DNAH17: variants seen among roughly 807,000 people sequenced by gnomAD.
The protein encoded by DNAH17 is axonemal beta dynein heavy chain 17.
A neutral mutation model predicts 485.6 loss-of-function variants in DNAH17; 376 were observed. That is an observed-to-expected ratio of 0.77 (90% CI 0.71 to 0.84). The LOEUF (loss-of-function observed/expected upper bound fraction) is 0.84, where lower values mean the gene tolerates loss of function less well. Ranked by LOEUF, DNAH17 falls within the 40% of genes least tolerant of loss-of-function variation. The pLI is 0.00. For missense variants in DNAH17, 6,370 were observed against 5,839.3 expected (o/e 1.09, Z -2.96); for synonymous variants, 3,031 against 2,405.9 (o/e 1.26, Z -7.60).
chr17:78,552,684 G>A lies in DNAH17; in HGVS notation c.2287+13C>T, dbSNP rs2091929960. On this transcript the variant is annotated intron_variant, in intron 15 of 80. Coordinates refer to ENST00000389840, the MANE Select transcript of DNAH17 (RefSeq NM_173628.4). ...AAGTTTAATCCAATGTGGGAGGAAT[G>A]TGGCCTCCGTACCTTCGCCATTCCA... The A allele has an allele frequency of 6.3e-7, 1 of 1,599,050 alleles. No individual in the cohort carries two copies. The highest frequency in any genetic ancestry group is 8.6e-7 in the Non-Finnish European group (1 of 1,166,280).
intron 35 of DNAH17, 148 bp downstream of exon 35, chr17:78,501,036 G>T: frequency 1.1e-6 from 1 of 923,568 alleles, no homozygotes; most frequent in Non-Finnish European, 1.6e-6. Context: ...GGACACAGTG[G>T]TAGAACTGAA....
chr17:78,492,760 G>C lies in DNAH17; in HGVS notation c.6414C>G (p.Leu2138=), dbSNP rs2146678287. 3.7e-6 allele frequency: 6 copies of C among 1,611,108 alleles called. No homozygotes were observed. The South Asian group carries it at 5.5e-5, about 15-fold the overall frequency. Residue 2138 remains leucine, a synonymous_variant, in exon 42 of 81, where the codon CTC becomes CTG. Coordinates refer to ENST00000389840, the MANE Select transcript of DNAH17 (RefSeq NM_173628.4). ...GNAGSGKSQV[L]KSLNKTYQNL... ...TCTGATAGGTCTTGTTGAGGGATTT[G>C]AGGACCTGGCGAAGGTGGGGGTCAC... is the stretch of plus-strand genomic sequence containing the variant.
At chr17:78,469,473 G>C (rs2088645779) in intron 54 of DNAH17, among the ~76,000 whole-genome samples, 1 of 152,186 alleles carries the variant, frequency 6.6e-6, no homozygotes, top group South Asian at 2.1e-4. Context: ...ACACAGGCCA[G>C]GTGCGGTGGC....
At chr17:78,575,467 T>C (rs1445183078) in intron 1 of DNAH17, among the ~76,000 whole-genome samples, 4 of 151,986 alleles carry the variant, frequency 2.6e-5, no homozygotes, top group African/African-American at 9.7e-5. Flanking sequence ...GGGGGTCAGG[T>C]TGAAAGGTCC....
intron 60 of DNAH17, 35 bp downstream of exon 60, chr17:78,459,747 AGG>A: frequency 6.2e-7 from 1 of 1,609,500 alleles, no homozygotes; most frequent in Non-Finnish European, 8.5e-7. Flanking sequence ...GGAGAATCGG[AGG>A]GAAGCCCCGG....
chr17:78,494,243 G>A (rs575065244), intron 40 of DNAH17, 70 bp from the exon 41 acceptor site: 4 of 1,559,390 alleles, frequency 2.6e-6, no homozygotes, highest in Non-Finnish European at 3.5e-6. Context: ...GGGAGGCTGG[G>A]GGGCTTCCTG....
chr17:78,500,513 GCTTTT>G, intron 35 of DNAH17, 52 bp from the exon 36 acceptor site: 1 of 1,491,210 alleles, frequency 6.7e-7, no homozygotes, highest in East Asian at 2.4e-5. Context: ...TGGCCTCCCT[GCTTTT>G]ATTTTTTTGA....
chr17:78,502,957 C>T lies in DNAH17; in HGVS notation c.5011G>A (p.Glu1671Lys), dbSNP rs200535968. 270 of 1,613,958 alleles carry T rather than the reference C, an allele frequency of 1.7e-4. 1 individual carries two copies. The highest frequency in any genetic ancestry group is 1.3e-3 in the Middle Eastern group (8 of 6,062). ...TAGGTCACCACGGCCTCTGGGATTT[C>T]GTGCCGGAGGGTAGAGCACATTCGG... ...LDRMCSTLRH[E>K]IPEAVVTYEE... Residue 1671 changes from glutamate to lysine, a missense_variant, in exon 32 of 81, where the codon GAA (glutamate) becomes AAA (lysine). Coordinates refer to ENST00000389840, the MANE Select transcript of DNAH17 (RefSeq NM_173628.4).
intron 73 of DNAH17, 104 bp from the exon 74 acceptor site, chr17:78,437,972 G>A: frequency 2.5e-6 from 2 of 816,030 alleles, no homozygotes; most frequent in East Asian, 2.7e-5. Context: ...GGGCTCTTCT[G>A]CCAGCACCCC....
intron 22 of DNAH17, among the ~76,000 whole-genome samples, chr17:78,527,878 A>C (rs2091120489): frequency 6.6e-6 from 1 of 152,120 alleles, no homozygotes; most frequent in African/African-American, 2.4e-5. Flanking sequence ...TTCTGGGTTC[A>C]AGTGATTCTC....
intron 54 of DNAH17, among the ~76,000 whole-genome samples, chr17:78,473,435 T>C (rs1166427767): frequency 2.0e-5 from 3 of 150,234 alleles, no homozygotes; most frequent in Non-Finnish European, 4.4e-5. Flanking sequence ...TCCCAGCTAC[T>C]CAGGAGGCTG....
intron 74 of DNAH17, 62 bp downstream of exon 74, chr17:78,437,578 CA>C: frequency 7.0e-7 from 1 of 1,427,022 alleles, no homozygotes; most frequent in Non-Finnish European, 9.5e-7. Flanking sequence ...CTCGGGGCCC[CA>C]AGGGATGGAT....
chr17:78,458,425 A>T, intron 62 of DNAH17, 140 bp downstream of exon 62: 1 of 690,560 alleles, frequency 1.4e-6, no homozygotes, highest in Non-Finnish European at 2.6e-6. Context: ...TATCCTAATT[A>T]CTTTGAGCTC....
intron 25 of DNAH17, among the ~76,000 whole-genome samples, chr17:78,519,053 A>G (rs1321018607): frequency 6.6e-6 from 1 of 151,490 alleles, no homozygotes; most frequent in Non-Finnish European, 1.5e-5. Context: ...CTGTAGTCCC[A>G]GATACTCGGG....
chr17:78,466,802 G>A lies in DNAH17; in HGVS notation c.8793C>T (p.Phe2931=). ...VRRQLKVILC[F]SPVGSVLRVR... is the part of the protein sequence containing the mutation. ...CCCGCAGCACGGAGCCCACAGGGGA[G>A]AAACACAGGATCACCTGGGTGTGGG... The change falls in exon 56 of 81, where the codon TTC becomes TTT. Residue 2931 remains phenylalanine (F), a synonymous_variant. Coordinates refer to ENST00000389840, the MANE Select transcript of DNAH17 (RefSeq NM_173628.4). The A allele has an allele frequency of 6.3e-7, 1 of 1,593,080 alleles. No homozygotes were observed. Among genetic ancestry groups the A allele is most frequent in the Non-Finnish European group, 8.5e-7 (1 of 1,170,362 alleles).
chr17:78,566,874 C>A, intron 10 of DNAH17, 125 bp downstream of exon 10: 6 of 1,355,704 alleles, frequency 4.4e-6, no homozygotes, highest in Non-Finnish European at 6.0e-6. Context: ...ACACAGTTTT[C>A]AAAGTGTTGG....
chr17:78,433,675 T>G (rs2086757791), intron 75 of DNAH17, among the ~76,000 whole-genome samples: 1 of 152,022 alleles, frequency 6.6e-6, no homozygotes, highest in African/African-American at 2.4e-5. Flanking sequence ...TCACACCCTG[T>G]GGTGGCAGGA....
At chr17:78,566,950 G>C (rs569097924) in intron 10 of DNAH17, 49 bp downstream of exon 10, 1 of 1,569,650 alleles carries the variant, frequency 6.4e-7, no homozygotes, top group Non-Finnish European at 8.6e-7. Flanking sequence ...ACCGAGGCTG[G>C]TGCTGTTCTC....
intron 26 of DNAH17, chr17:78,510,741 C>T (rs1310594588): frequency 4.1e-5 from 16 of 385,794 alleles, no homozygotes; most frequent in African/African-American, 1.5e-4. Flanking sequence ...CTGCACTGGG[C>T]GGAATTGCGG....
Sources: gnomAD v4.1 joint callset for allele counts (sites outside exome capture counted in the v4.1 genomes callset) on GRCh38, gnomAD v4.1.1 for gene constraint, MANE v1.5 for transcripts, NCBI Gene and HGNC (gene_info 2026-07-23, HGNC 2026-07-21) for gene names.